Variants in MYO18B observed in about 807,000 individuals in gnomAD.
MYO18B encodes unconventional myosin-XVIIIb.
MYO18B carries 204 observed loss-of-function variants against 273.0 expected under a neutral mutation model. The ratio of observed to expected loss-of-function variants is 0.75; its 90% confidence interval spans 0.67 to 0.84. The LOEUF is 0.84. MYO18B is among the 40% of genes least tolerant of loss of function. The probability of loss-of-function intolerance (pLI) is 0.00; values close to 1 mark genes in which losing one functional copy is unlikely to be tolerated. For missense variants in MYO18B, 3,212 were observed against 3,287.6 expected (o/e 0.98, Z 0.56); for synonymous variants, 1,330 against 1,305.7 (o/e 1.02, Z -0.40).
Position 25,890,824 on chromosome 22 carries a change from G to A in MYO18B, c.4383G>A (p.Glu1461=), listed in dbSNP as rs200680930. 1,472 of 1,613,998 alleles carry A rather than the reference G, an allele frequency of 9.1e-4. 12 individuals carry two copies. The highest frequency in any genetic ancestry group is 1.2e-4 in the Non-Finnish European group (145 of 1,179,898). The change falls in exon 26 of 44, where the codon GAG becomes GAA. Residue 1461 remains glutamate, a synonymous_variant. Coordinates refer to ENST00000335473, the MANE Select transcript of MYO18B (RefSeq NM_032608.7). ...FKGDVACQVL[E]SERAERLQAF... Reference sequence around the variant, plus strand: ...GTGATGTGGCCTGCCAGGTGCTGGAGAGTGAGCGGGCAGAGCGGCTACAGG... The same window carrying A: ...GTGATGTGGCCTGCCAGGTGCTGGAAAGTGAGCGGGCAGAGCGGCTACAGG...
chr22:25,943,352 G>C (rs1569217136), intron 34 of MYO18B, among the ~76,000 whole-genome samples: 1 of 152,180 alleles, frequency 6.6e-6, no homozygotes, highest in Non-Finnish European at 1.5e-5. Flanking sequence ...GCAGGACCAT[G>C]GCGATCCCCT....
At chr22:25,847,365 G>A (rs2090282076) in intron 19 of MYO18B, 65 bp from the exon 20 acceptor site, 1 of 1,413,462 alleles carries the variant, frequency 7.1e-7, no homozygotes, top group Non-Finnish European at 9.7e-7. Flanking sequence ...TATTTGGAGA[G>A]GGTCCAGTCC....
intron 39 of MYO18B, among the ~76,000 whole-genome samples, chr22:25,991,914 T>G (rs376032397): frequency 6.6e-6 from 1 of 151,422 alleles, no homozygotes; most frequent in South Asian, 2.1e-4. Flanking sequence ...GGGACAGACT[T>G]GAAACTATCT....
chr22:25,764,865 A>G (rs1454876910), intron 3 of MYO18B, among the ~76,000 whole-genome samples: 3 of 152,212 alleles, frequency 2.0e-5, no homozygotes, highest in Non-Finnish European at 4.4e-5. Context: ...CTACCCATTT[A>G]TCACAGGTGG....
chr22:25,867,788 C>T (rs945333718), intron 21 of MYO18B, among the ~76,000 whole-genome samples: 2 of 152,198 alleles, frequency 1.3e-5, no homozygotes, highest in African/African-American at 4.8e-5. Flanking sequence ...CGCCACCATG[C>T]CCGACTATAA....
At chr22:25,762,872 G>C (rs2086371642) in intron 2 of MYO18B, among the ~76,000 whole-genome samples, 1 of 152,230 alleles carries the variant, frequency 6.6e-6, no homozygotes, top group Non-Finnish European at 1.5e-5. Flanking sequence ...TCTGGAAACT[G>C]GGAAACCTCC....
intron 31 of MYO18B, among the ~76,000 whole-genome samples, chr22:25,907,675 C>G (rs1028955045): frequency 6.6e-6 from 1 of 152,132 alleles, no homozygotes; most frequent in African/African-American, 2.4e-5. Flanking sequence ...ATCTACCTAT[C>G]CACTCACCCA....
At chr22:25,974,004 C>G (rs575099468) in intron 39 of MYO18B, among the ~76,000 whole-genome samples, 1 of 152,194 alleles carries the variant, frequency 6.6e-6, no homozygotes. Context: ...AGTCTTAGGA[C>G]GGTGAGGAGG....
At chr22:25,923,782 A>C (rs1459007312) in intron 34 of MYO18B, among the ~76,000 whole-genome samples, 1 of 152,150 alleles carries the variant, frequency 6.6e-6, no homozygotes, top group Non-Finnish European at 1.5e-5. Flanking sequence ...TTCCATCAAA[A>C]TGTCCCCAGT....
At position 25,832,173 on chromosome 22, in the gene MYO18B, A is replaced by C. The variant is rs558154290; in HGVS notation, c.2980-744A>C. On this transcript the variant is annotated intron_variant, in intron 15 of 43. Coordinates refer to ENST00000335473, the MANE Select transcript of MYO18B (RefSeq NM_032608.7). ...TATTGGTGGGAATGTAAAATAGTGC[A>C]GCCGCTGTGGAAAACAGAATGGTGG... 9.8e-5 allele frequency among the ~76,000 whole-genome samples: 15 copies of C among 152,326 alleles called. No individual in the cohort carries two copies. In the East Asian group the frequency reaches 2.9e-3, roughly 29 times the overall value.
chr22:25,929,784 A>G (rs1262614205), intron 34 of MYO18B, among the ~76,000 whole-genome samples: 2 of 151,558 alleles, frequency 1.3e-5, no homozygotes, highest in South Asian at 2.1e-4. Flanking sequence ...ATTACAGTCC[A>G]CCTGAATATC....
intron 16 of MYO18B, among the ~76,000 whole-genome samples, chr22:25,834,358 G>C (rs142743231): frequency 6.6e-6 from 1 of 152,176 alleles, no homozygotes; most frequent in African/African-American, 2.4e-5. Context: ...CTGGCTATCA[G>C]TTTCAGCCCC....
intron 39 of MYO18B, among the ~76,000 whole-genome samples, chr22:25,967,080 G>A (rs890714768): frequency 3.9e-5 from 6 of 152,240 alleles, no homozygotes; most frequent in African/African-American, 1.4e-4. Flanking sequence ...TACAAATAAT[G>A]CGCTGAGGCT....
At chr22:26,004,535 A>C (rs189158456) in intron 41 of MYO18B, among the ~76,000 whole-genome samples, 183 bp from the exon 42 acceptor site, 19 of 152,302 alleles carry the variant, frequency 1.2e-4, no homozygotes, top group African/African-American at 4.6e-4. Flanking sequence ...GGCCTCTCCA[A>C]ATCTCAGTAA....
intron 17 of MYO18B, among the ~76,000 whole-genome samples, chr22:25,843,313 T>G (rs532867879): frequency 6.6e-6 from 1 of 152,338 alleles, no homozygotes; most frequent in African/African-American, 2.4e-5. Flanking sequence ...TATTTCATCA[T>G]AATTTCCATG....
chr22:25,975,133 C>T (rs1007368710), intron 39 of MYO18B, among the ~76,000 whole-genome samples: 11 of 152,172 alleles, frequency 7.2e-5, no homozygotes, highest in African/African-American at 1.9e-4. Context: ...GCCCCAGCTG[C>T]GAAGTGAATT....
At chr22:25,815,823 G>T (rs116481116) in intron 12 of MYO18B, among the ~76,000 whole-genome samples, 2,816 of 152,314 alleles carry the variant, frequency 0.018, 71 homozygotes, top group East Asian at 0.11. Flanking sequence ...TGCTCCAACT[G>T]ATTTGTCCAT....
At chr22:25,811,474 T>C (rs2088758155) in intron 12 of MYO18B, among the ~76,000 whole-genome samples, 1 of 152,190 alleles carries the variant, frequency 6.6e-6, no homozygotes, top group African/African-American at 2.4e-5. Context: ...TCGACAGCGG[T>C]GCATTACTGT....
intron 1 of MYO18B, among the ~76,000 whole-genome samples, chr22:25,746,904 G>A (rs550673835): frequency 7.9e-5 from 12 of 151,810 alleles, no homozygotes; most frequent in African/African-American, 2.7e-4. Context: ...GGCGGATCAC[G>A]AGGTCAGGAG....
Sources: gnomAD v4.1 joint callset for allele counts (sites outside exome capture counted in the v4.1 genomes callset) on GRCh38, gnomAD v4.1.1 for gene constraint, MANE v1.5 for transcripts, NCBI Gene and HGNC (gene_info 2026-07-23, HGNC 2026-07-21) for gene names.